PRKCZ: variants seen among roughly 807,000 people sequenced by gnomAD.
PRKCZ encodes the protein protein kinase C zeta.
A neutral mutation model predicts 79.5 loss-of-function variants in PRKCZ; 33 were observed. The ratio of observed to expected loss-of-function variants is 0.41; its 90% CI spans 0.31 to 0.55. The LOEUF (loss-of-function observed/expected upper bound fraction) is 0.55. Ranked by LOEUF, PRKCZ falls within the 20% of genes least tolerant of loss-of-function variation. The pLI is 0.19. For missense variants in PRKCZ, 578 were observed against 813.5 expected, an observed-to-expected ratio of 0.71 and a Z score of 3.52; for synonymous variants, 342 against 320.9, an observed-to-expected ratio of 1.07 and a Z score of -0.70.
At chr1:2,135,412 A>C (rs1675981551) in intron 5 of PRKCZ, 65 bp downstream of exon 5, 1 of 1,426,916 alleles carries the variant, frequency 7.0e-7, no homozygotes. Context: ...GCAAAGAGAG[A>C]GGAGGGGAGG....
rs1674098922 is a variant in PRKCZ at position 2,127,258 on chromosome 1, A to G, written c.335-8004A>G. 6.6e-6 allele frequency among the ~76,000 whole-genome samples: 1 copy of G among 152,208 alleles called. No individual in the cohort carries two copies. Among genetic ancestry groups the G allele is most frequent in the Admixed American group, 6.5e-5 (1 of 15,286 alleles). On this transcript the variant is annotated intron_variant, in intron 4 of 17. Coordinates refer to ENST00000378567, the MANE Select transcript of PRKCZ (RefSeq NM_002744.6). The surrounding 1 kb of genome is among the most constrained non-coding windows in gnomAD (Gnocchi z 5.1). ...TTCTGTGACTTTAGTGTTATTCTTC[A>G]GTCACCTTTAAAAGCATAGCATGTT...
At position 2,127,232 on chromosome 1, in the gene PRKCZ, C is replaced by T. The variant is rs1217900562; in HGVS notation, c.335-8030C>T. Among the ~76,000 whole-genome samples, 1 of 152,396 alleles carries T rather than the reference C, an allele frequency of 6.6e-6. No individual in the cohort carries two copies. The highest frequency in any genetic ancestry group is 1.5e-5 in the Non-Finnish European group (1 of 68,040). On this transcript the variant is annotated intron_variant, in intron 4 of 17. Coordinates refer to ENST00000378567, the MANE Select transcript of PRKCZ (RefSeq NM_002744.6). The surrounding 1 kb of genome is among the most constrained non-coding windows in gnomAD (Gnocchi z 5.1). ...GTGCCCAAAACCTTTTCCAAGTCGTCTTCTGTGACTTTAGTGTTATTCTTC... is the reference window on the plus strand; with the variant it reads ...GTGCCCAAAACCTTTTCCAAGTCGTTTTCTGTGACTTTAGTGTTATTCTTC...
At chr1:2,081,982 C>T (rs1663619071) in intron 4 of PRKCZ, among the ~76,000 whole-genome samples, 3 of 151,310 alleles carry the variant, frequency 2.0e-5, no homozygotes, top group South Asian at 4.1e-4. Context: ...CCTCTTTTTT[C>T]GGAAATGTGT....
intron 8 of PRKCZ, among the ~76,000 whole-genome samples, chr1:2,150,265 C>T (rs113720575): frequency 5.9e-4 from 90 of 152,194 alleles, no homozygotes; most frequent in African/African-American, 1.9e-3. Flanking sequence ...GTGTAGCTTG[C>T]GGGAGGCAGA....
chr1:2,073,300 A>G (rs1364455321), intron 4 of PRKCZ, among the ~76,000 whole-genome samples: 4 of 152,140 alleles, frequency 2.6e-5, no homozygotes, highest in Non-Finnish European at 5.9e-5. Flanking sequence ...GGACACAACC[A>G]CATCGCAAGG....
intron 4 of PRKCZ, among the ~76,000 whole-genome samples, chr1:2,100,043 C>G (rs1667187370): frequency 6.6e-6 from 1 of 152,162 alleles, no homozygotes; most frequent in Non-Finnish European, 1.5e-5. Flanking sequence ...CTGTAAGAGC[C>G]TGCAGCCCCT....
At position 2,125,485 on chromosome 1, in the gene PRKCZ, G is replaced by A. The variant is rs1405754126; in HGVS notation, c.335-9777G>A. On this transcript the variant is annotated intron_variant, in intron 4 of 17. Transcript: ENST00000378567. The surrounding 1 kb of genome is among the most constrained non-coding windows in gnomAD (Gnocchi z 4.2). ...ACGGTGGGGCGGAGGACATCCTGGG[G>A]GGCCTGGCTTCTTGGGAACTGGAGG... 6.6e-6 allele frequency among the ~76,000 whole-genome samples: 1 copy of A among 152,160 alleles called. No individual in the cohort carries two copies. Among genetic ancestry groups the A allele is most frequent in the Non-Finnish European group, 1.5e-5 (1 of 68,016 alleles).
At chr1:2,161,743 A>G (rs779433446) in intron 10 of PRKCZ, among the ~76,000 whole-genome samples, 24 of 152,106 alleles carry the variant, frequency 1.6e-4, no homozygotes, top group Middle Eastern at 3.2e-3. Context: ...AGATGAGGTC[A>G]TGGCATCTCC....
In PRKCZ at chr1:2,075,746, C is replaced by T. The variant is rs1662283494; in HGVS notation, c.334+16155C>T. Among the ~76,000 whole-genome samples, 2 of 152,232 alleles carry T rather than the reference C, an allele frequency of 1.3e-5. No homozygotes were observed. The highest frequency in any genetic ancestry group is 4.1e-4 in the South Asian group (2 of 4,834). ...GTCCACAGGGTGCCTGAGAGCCCAG[C>T]CCATCCACACTGGGTGCCCCAGACC... On this transcript the variant is annotated intron_variant, in intron 4 of 17. Transcript: ENST00000378567. This position sits in a 1 kb window ranked among gnomAD's most constrained non-coding sequence, Gnocchi z 4.8.
At chr1:2,058,639 T>C (rs1660404020) in intron 3 of PRKCZ, among the ~76,000 whole-genome samples, 1 of 152,174 alleles carries the variant, frequency 6.6e-6, no homozygotes. Context: ...CACACACTTG[T>C]AATCCCAGCA....
rs140061398 is a variant in PRKCZ, at chr1:2,113,180, A to G, written c.335-22082A>G. 2.3e-3 allele frequency among the ~76,000 whole-genome samples: 355 copies of G among 152,358 alleles called. 2 individuals are homozygous for G. The highest frequency in any genetic ancestry group is 8.1e-3 in the African/African-American group (336 of 41,584). ...CCCCGGGGGATCCCTCCAGGGTCTC[A>G]GTTCTGACTAGCGAGTACCTCGATT... On this transcript the variant is annotated intron_variant, in intron 4 of 17. Coordinates refer to ENST00000378567, the MANE Select transcript of PRKCZ (RefSeq NM_002744.6).
In PRKCZ at chr1:2,094,373, G is replaced by T. The variant is rs1228936754; in HGVS notation, c.334+34782G>T. 6.6e-6 allele frequency among the ~76,000 whole-genome samples: 1 copy of T among 152,066 alleles called. No individual in the cohort carries two copies. The highest frequency in any genetic ancestry group is 1.5e-5 in the Non-Finnish European group (1 of 68,008). ...CAGTGGCCCCGGCTCGTTGAACCTT[G>T]GGCACTGCCCATTCTGAGGCGCCCG... On this transcript the variant is annotated intron_variant, in intron 4 of 17. Coordinates refer to ENST00000378567, the MANE Select transcript of PRKCZ (RefSeq NM_002744.6). The surrounding 1 kb of genome is among the most constrained non-coding windows in gnomAD (Gnocchi z 7.3).
chr1:2,076,026 G>A (rs1662346325), intron 4 of PRKCZ, among the ~76,000 whole-genome samples: 1 of 152,262 alleles, frequency 6.6e-6, no homozygotes, highest in Non-Finnish European at 1.5e-5. Flanking sequence ...ATGTGGGGTA[G>A]CCATCCTTTC....
intron 3 of PRKCZ, among the ~76,000 whole-genome samples, chr1:2,058,968 A>G (rs1406916134): frequency 6.6e-6 from 1 of 152,140 alleles, no homozygotes; most frequent in African/African-American, 2.4e-5. Context: ...ACACACACAC[A>G]TAAAAAAGTA....
At chr1:2,097,126 T>C (rs1247163233) in intron 4 of PRKCZ, among the ~76,000 whole-genome samples, 1 of 152,206 alleles carries the variant, frequency 6.6e-6, no homozygotes, top group Non-Finnish European at 1.5e-5. Flanking sequence ...TACCAGGTTG[T>C]CTTGGGGCCA....
At chr1:2,161,108 C>T (rs530395526) in intron 10 of PRKCZ, among the ~76,000 whole-genome samples, 80 of 152,332 alleles carry the variant, frequency 5.3e-4, no homozygotes, top group South Asian at 1.4e-3. Context: ...GTCATGGGAG[C>T]TCAGAACAGA....
Position 2,052,843 on chromosome 1 carries a change from C to T in PRKCZ, c.71+2142C>T, listed in dbSNP as rs1040521628. On this transcript the variant is annotated intron_variant, in intron 1 of 17. Transcript: ENST00000378567. ...TAGCTGAGCGTGGACACGTGGAAGA[C>T]TAGTCTTTAGAAAAAGGAAGAGCAC... Among the ~76,000 whole-genome samples the T allele has an allele frequency of 4.5e-4, 69 of 152,204 alleles. 4 individuals are homozygous for T. The highest frequency in any genetic ancestry group is 2.9e-5 in the Non-Finnish European group (2 of 68,040).
At chr1:2,081,424 C>T (rs1157184519) in intron 4 of PRKCZ, among the ~76,000 whole-genome samples, 1 of 152,136 alleles carries the variant, frequency 6.6e-6, no homozygotes, top group Non-Finnish European at 1.5e-5. Context: ...GGAAGCAGGT[C>T]CCAGGCCCAG....
At chr1:2,086,515 G>T (rs1186638948) in intron 4 of PRKCZ, among the ~76,000 whole-genome samples, 1 of 152,184 alleles carries the variant, frequency 6.6e-6, no homozygotes, top group Non-Finnish European at 1.5e-5. Flanking sequence ...TTTTCCATCA[G>T]GTTTTGTGTG....
Sources: allele counts gnomAD v4.1 joint callset (sites outside exome capture counted in the v4.1 genomes callset), GRCh38; gene constraint gnomAD v4.1.1; non-coding constraint Gnocchi (gnomAD v3.1); transcripts MANE v1.5; gene names NCBI Gene and HGNC (gene_info 2026-07-23, HGNC 2026-07-21).